Variants in PLEKHB1 observed in about 807,000 individuals in gnomAD.
PLEKHB1 encodes the protein pleckstrin homology domain-containing family B member 1.
A neutral mutation model predicts 36.2 loss-of-function variants in PLEKHB1; 29 were observed. The ratio of observed to expected loss-of-function variants is 0.80; its 90% CI spans 0.60 to 1.09. The LOEUF is 1.09. Among genes scored for constraint, PLEKHB1 ranks in the 50% least tolerant of loss-of-function variants. PLEKHB1 has a pLI of 0.00. For missense variants in PLEKHB1, 330 were observed against 348.2 expected (o/e 0.95, Z 0.42); for synonymous variants, 138 against 140.0 (o/e 0.99, Z 0.10).
chr11:73,659,094 C>T (rs1945053043), intron 6 of PLEKHB1, among the ~76,000 whole-genome samples: 3 of 152,036 alleles, frequency 2.0e-5, no homozygotes, highest in Admixed American at 6.6e-5. Context: ...GGCGTGGTGG[C>T]AGGAACCTGT....
intron 6 of PLEKHB1, 145 bp from the exon 7 acceptor site, chr11:73,660,608 A>G (rs1945085307): frequency 2.8e-6 from 2 of 721,160 alleles, no homozygotes; most frequent in Non-Finnish European, 4.7e-6. Context: ...CCTTTCTCCA[A>G]GAGCTTGCTA....
intron 6 of PLEKHB1, among the ~76,000 whole-genome samples, chr11:73,657,134 C>T (rs1945009475): frequency 6.6e-6 from 1 of 151,978 alleles, no homozygotes; most frequent in African/African-American, 2.4e-5. Flanking sequence ...CAGAGTAAGA[C>T]TCCATCTCAA....
chr11:73,648,835 C>T, intron 1 of PLEKHB1, 177 bp from the exon 2 acceptor site: 1 of 1,367,470 alleles, frequency 7.3e-7, no homozygotes, highest in Non-Finnish European at 9.5e-7. Flanking sequence ...CCCACAGTGA[C>T]AGTGCTCCCA....
rs1306955610 is a variant in PLEKHB1 at position 73,662,780 on chromosome 11, C to CT, written c.*1179dup. The CT allele has an allele frequency of 6.6e-6, 1 of 152,228 alleles. No individual in the cohort carries two copies. The highest frequency in any genetic ancestry group is 2.4e-5 in the African/African-American group (1 of 41,454). The allele number at this position is 152,228 out of a possible 1,614,324, so 9.4% of individuals were successfully genotyped here. ...GTAAATGGGGGCTCCATTAGTTCTG[C>CT]TGCCGAGACTAATAAAGATTTGGTT... On this transcript the variant is annotated 3_prime_UTR_variant, in exon 8 of 8. Coordinates refer to ENST00000354190, the MANE Select transcript of PLEKHB1 (RefSeq NM_021200.3).
chr11:73,649,300 T>C (rs1369185343), intron 2 of PLEKHB1, among the ~76,000 whole-genome samples: 1 of 152,088 alleles, frequency 6.6e-6, no homozygotes, highest in Admixed American at 6.5e-5. Context: ...TGGGCCCCTC[T>C]CTGAGGAGCC....
At chr11:73,647,487 C>T (rs892655368) in intron 1 of PLEKHB1, 25 of 901,876 alleles carry the variant, frequency 2.8e-5, no homozygotes, top group Non-Finnish European at 3.3e-5. Flanking sequence ...GCTGCTTCTG[C>T]CCAGCTCTAC....
intron 2 of PLEKHB1, 68 bp downstream of exon 2, chr11:73,649,155 G>T: frequency 1.3e-6 from 2 of 1,529,814 alleles, no homozygotes; most frequent in South Asian, 1.2e-5. Flanking sequence ...TTGCCACGGG[G>T]AACACTTCTC....
intron 1 of PLEKHB1, 22 bp downstream of exon 1, chr11:73,646,648 C>T (rs188772047): frequency 6.4e-7 from 1 of 1,551,440 alleles, no homozygotes; most frequent in South Asian, 1.2e-5. Flanking sequence ...TTCTCTGGGA[C>T]AGGAGGAAGG....
In PLEKHB1 at chr11:73,648,537, A is replaced by G. The variant is rs538825424; in HGVS notation, c.19-475A>G. 7.2e-5 allele frequency among the ~76,000 whole-genome samples: 11 copies of G among 152,266 alleles called. No homozygotes were observed. In the East Asian group the frequency reaches 2.1e-3, roughly 29 times the overall value. The stretch of plus-strand genomic sequence containing the variant: ...ATAGGAGGGAGCTTTTCCCTCATCC[A>G]TTGCCGTGATTCTAATATTCTGCAC... On this transcript the variant is annotated intron_variant, in intron 1 of 7. Coordinates refer to ENST00000354190, the MANE Select transcript of PLEKHB1 (RefSeq NM_021200.3).
intron 6 of PLEKHB1, among the ~76,000 whole-genome samples, chr11:73,657,792 T>C (rs904875333): frequency 2.0e-5 from 3 of 152,198 alleles, no homozygotes; most frequent in Admixed American, 6.5e-5. Context: ...GCCTGGAGCC[T>C]GGATCTTGGC....
intron 6 of PLEKHB1, among the ~76,000 whole-genome samples, chr11:73,656,760 T>C (rs929138002): frequency 6.6e-6 from 1 of 152,200 alleles, no homozygotes; most frequent in Admixed American, 6.5e-5. Flanking sequence ...TGTATCAGGA[T>C]TGTTTAGGAA....
At chr11:73,652,246 A>G (rs1302710156) in intron 4 of PLEKHB1, among the ~76,000 whole-genome samples, 1 of 152,204 alleles carries the variant, frequency 6.6e-6, no homozygotes, top group Non-Finnish European at 1.5e-5. Flanking sequence ...TTCTTAGAAG[A>G]TGCCCTGGTG....
chr11:73,659,725 G>C (rs565435657), intron 6 of PLEKHB1, among the ~76,000 whole-genome samples: 1 of 152,342 alleles, frequency 6.6e-6, no homozygotes, highest in South Asian at 2.1e-4. Flanking sequence ...AGGGTTGGCA[G>C]AAATCTAATG....
chr11:73,647,644 C>T, intron 1 of PLEKHB1: 10 of 985,372 alleles, frequency 1.0e-5, no homozygotes, highest in Non-Finnish European at 1.2e-5. Context: ...CCCAGGCTCT[C>T]CGGGGCACAC....
At chr11:73,653,085 C>T (rs1052677510) in intron 5 of PLEKHB1, 71 bp downstream of exon 5, 27 of 1,463,042 alleles carry the variant, frequency 1.8e-5, no homozygotes, top group Non-Finnish European at 2.4e-5. Context: ...GACTCAGACT[C>T]GGTCTCCACC....
intron 6 of PLEKHB1, 46 bp from the exon 7 acceptor site, chr11:73,660,707 C>G: frequency 6.5e-7 from 1 of 1,541,440 alleles, no homozygotes; most frequent in Non-Finnish European, 8.8e-7. Flanking sequence ...GGGACCAAAT[C>G]CGGGCCAGGG....
chr11:73,652,089 G>GA, intron 4 of PLEKHB1, 199 bp downstream of exon 4: 2 of 589,404 alleles, frequency 3.4e-6, no homozygotes. Context: ...CTCCTCATGT[G>GA]GTCTACAGTG....
At chr11:73,654,503 G>C (rs1364006971) in intron 5 of PLEKHB1, among the ~76,000 whole-genome samples, 1 of 152,196 alleles carries the variant, frequency 6.6e-6, no homozygotes, top group Non-Finnish European at 1.5e-5. Context: ...CTGGGTGGGG[G>C]TTGGTATTAT....
intron 7 of PLEKHB1, 116 bp downstream of exon 7, chr11:73,660,968 T>A: frequency 1.0e-6 from 1 of 972,666 alleles, no homozygotes; most frequent in Non-Finnish European, 1.6e-6. Context: ...GCACGGATTT[T>A]CCCAGGCAGA....
Sources: allele counts gnomAD v4.1 joint callset (sites outside exome capture counted in the v4.1 genomes callset), GRCh38; gene constraint gnomAD v4.1.1; transcripts MANE v1.5; gene names NCBI Gene and HGNC (gene_info 2026-07-23, HGNC 2026-07-21).